FRMPD4: variants seen among roughly 807,000 people sequenced by gnomAD.
The protein encoded by FRMPD4 is FERM and PDZ domain containing 4.
A neutral mutation model predicts 94.1 loss-of-function variants in FRMPD4; 22 were observed. The ratio of observed to expected loss-of-function variants is 0.23; its 90% CI spans 0.17 to 0.33. The LOEUF (loss-of-function observed/expected upper bound fraction) is 0.33. Ranked by LOEUF, FRMPD4 falls within the 10% of genes least tolerant of loss-of-function variation. The pLI, the probability that FRMPD4 is intolerant of heterozygous loss-of-function variation, is 1.00. For missense variants in FRMPD4, 1,111 were observed against 1,339.9 expected (o/e 0.83, Z 2.67); for synonymous variants, 631 against 548.6 (o/e 1.15, Z -2.10).
chrX:12,684,157 C>CA (rs2059998705), intron 6 of FRMPD4, among the ~76,000 whole-genome samples: 1 of 112,014 alleles, frequency 8.9e-6, no homozygotes, highest in African/African-American at 3.2e-5. Flanking sequence ...ATTACTCAGG[C>CA]AATTAACTGA....
intron 1 of FRMPD4, among the ~76,000 whole-genome samples, chrX:12,398,247 T>C (rs770573336): frequency 1.4e-4 from 16 of 112,425 alleles, no homozygotes; most frequent in Non-Finnish European, 1.9e-5. Context: ...TTTTTTCTGA[T>C]TTTTAAAATC....
At chrX:12,419,715 C>T (rs1409763844) in intron 1 of FRMPD4, among the ~76,000 whole-genome samples, 1 of 111,410 alleles carries the variant, frequency 9.0e-6, no homozygotes, top group Non-Finnish European at 1.9e-5. Flanking sequence ...AATTCAAGGG[C>T]AAGTCCTTAC....
At chrX:11,882,001 G>A (rs2053816342) in intron 3 of FRMPD4, among the ~76,000 whole-genome samples, 1 of 111,667 alleles carries the variant, frequency 9.0e-6, no homozygotes, top group African/African-American at 3.3e-5. Context: ...CAAGGTTTAT[G>A]AAAGCCAGAG....
chrX:12,367,291 A>T (rs1237694942), intron 1 of FRMPD4, among the ~76,000 whole-genome samples: 2 of 109,087 alleles, frequency 1.8e-5, no homozygotes, highest in African/African-American at 6.7e-5. Context: ...CAGCTGGACC[A>T]CCTCTGGGTG....
chrX:12,256,900 A>T (rs1481835919), intron 1 of FRMPD4, among the ~76,000 whole-genome samples: 1 of 111,751 alleles, frequency 8.9e-6, no homozygotes. Context: ...AATCCCTTAA[A>T]TGTTTGTTCT....
chrX:12,134,455 A>G (rs1056234519), upstream of FRMPD4, among the ~76,000 whole-genome samples: 2 of 111,973 alleles, frequency 1.8e-5, no homozygotes, highest in Non-Finnish European at 1.9e-5. Flanking sequence ...TTATTTATTT[A>G]CTTCTGTTTT....
chrX:12,121,313 AT>A lies in FRMPD4; in HGVS notation c.95+243304del, dbSNP rs200311095. On this transcript the variant is annotated intron_variant, in intron 3 of 18. Transcript: ENST00000640291. The stretch of plus-strand genomic sequence containing the variant: ...GTAAAACAGTGCCACTTTTCTCACA[AT>A]TTTTTTTTGAAATATATTTTATTAA... 2.4e-3 allele frequency among the ~76,000 whole-genome samples: 267 copies of A among 109,717 alleles called. 1 individual carries two copies. In the East Asian group the frequency reaches 0.037, roughly 15 times the overall value.
chrX:12,699,829 C>T (rs1483126334), intron 9 of FRMPD4, among the ~76,000 whole-genome samples: 1 of 112,428 alleles, frequency 8.9e-6, no homozygotes, highest in Non-Finnish European at 1.9e-5. Context: ...TAATGTTCAA[C>T]AAAGTATGGA....
intron 1 of FRMPD4, among the ~76,000 whole-genome samples, chrX:12,412,672 A>G (rs1424445545): frequency 8.9e-6 from 1 of 112,320 alleles, no homozygotes; most frequent in Non-Finnish European, 1.9e-5. Flanking sequence ...AGGTAGAGGC[A>G]TGGATTTTTC....
intron 1 of FRMPD4, among the ~76,000 whole-genome samples, chrX:11,845,986 C>T (rs1282184944): frequency 5.8e-5 from 6 of 102,578 alleles, no homozygotes; most frequent in Admixed American, 2.1e-4. Flanking sequence ...GGGATGCCCT[C>T]TCTCACCACT....
chrX:12,135,473 G>A (rs1411306695), upstream of FRMPD4, among the ~76,000 whole-genome samples: 1 of 107,053 alleles, frequency 9.3e-6, no homozygotes, highest in Non-Finnish European at 1.9e-5. Context: ...GAGGAGGGGT[G>A]GAATCTCTTT....
chrX:12,065,822 A>G (rs2054916446), intron 3 of FRMPD4, among the ~76,000 whole-genome samples: 1 of 112,324 alleles, frequency 8.9e-6, no homozygotes, highest in African/African-American at 3.2e-5. Context: ...ATATGTTTAG[A>G]AATCCAAATT....
intron 2 of FRMPD4, among the ~76,000 whole-genome samples, chrX:12,532,132 T>A (rs1299151820): frequency 8.9e-6 from 1 of 112,046 alleles, no homozygotes; most frequent in East Asian, 2.8e-4. Context: ...TGGGGAATGA[T>A]GTTTTCACTA....
chrX:12,495,984 C>T (rs1382112924), intron 1 of FRMPD4, among the ~76,000 whole-genome samples: 2 of 111,114 alleles, frequency 1.8e-5, no homozygotes, highest in African/African-American at 3.3e-5. Context: ...TATATAAATT[C>T]CATAGGGATC....
intron 1 of FRMPD4, among the ~76,000 whole-genome samples, chrX:11,856,549 G>A (rs2053655033): frequency 8.9e-6 from 1 of 111,735 alleles, no homozygotes; most frequent in Non-Finnish European, 1.9e-5. Flanking sequence ...TATTGAAGGA[G>A]TGTACTTCAA....
At position 12,342,342 on chromosome X, in the gene FRMPD4, T is replaced by C. The variant is rs957178644; in HGVS notation, c.42-156338T>C. 3.6e-5 allele frequency among the ~76,000 whole-genome samples: 4 copies of C among 112,126 alleles called. No individual in the cohort carries two copies. The Admixed American group carries it at 3.8e-4, about 11-fold the overall frequency. On this transcript the variant is annotated intron_variant, in intron 1 of 16. Coordinates refer to ENST00000675598, the MANE Select transcript of FRMPD4 (RefSeq NM_001368397.1). The stretch of plus-strand genomic sequence containing the variant: ...GCTCTGTACACATAGTGTACATAGT[T>C]GGGCAATCAAGACCCTATAAAAAAA...
upstream of FRMPD4, among the ~76,000 whole-genome samples, chrX:12,135,426 G>C (rs942544407): frequency 9.2e-6 from 1 of 109,136 alleles, no homozygotes; most frequent in African/African-American, 3.3e-5. Flanking sequence ...TTTCAAGGGA[G>C]CAGCTTTTTC....
intron 1 of FRMPD4, among the ~76,000 whole-genome samples, chrX:12,333,318 T>C (rs754852038): frequency 2.0e-5 from 2 of 98,455 alleles, no homozygotes; most frequent in South Asian, 7.7e-4. Context: ...ATTTAAAATG[T>C]TTTTTTTTAA....
intron 2 of FRMPD4, among the ~76,000 whole-genome samples, chrX:12,586,250 T>C (rs1284580539): frequency 8.9e-6 from 1 of 112,880 alleles, no homozygotes; most frequent in Admixed American, 9.3e-5. Flanking sequence ...ATGGAAGTTA[T>C]GTTCAATCAC....
Sources: gnomAD v4.1 joint callset for allele counts (sites outside exome capture counted in the v4.1 genomes callset) on GRCh38, gnomAD v4.1.1 for gene constraint, MANE v1.5 for transcripts, NCBI Gene and HGNC (gene_info 2026-07-23, HGNC 2026-07-21) for gene names.